Variants in SEPTIN9 observed in about 807,000 individuals in gnomAD.
SEPTIN9 encodes septin-9.
SEPTIN9 carries 13 observed loss-of-function variants against 56.6 expected under a neutral mutation model. The observed-to-expected ratio is 0.23, with a 90% CI of 0.15 to 0.37. The LOEUF (loss-of-function observed/expected upper bound fraction) is 0.37, where lower values mean the gene tolerates loss of function less well. Ranked by LOEUF, SEPTIN9 falls within the 10% of genes least tolerant of loss-of-function variation. The probability of loss-of-function intolerance (pLI) is 1.00; values close to 1 mark genes in which losing one functional copy is unlikely to be tolerated. For missense variants in SEPTIN9, 650 were observed against 823.1 expected, an observed-to-expected ratio of 0.79 and a Z score of 2.57; for synonymous variants, 332 against 334.1, an observed-to-expected ratio of 0.99 and a Z score of 0.07.
intron 3 of SEPTIN9, among the ~76,000 whole-genome samples, chr17:77,477,962 G>T (rs2039292812): frequency 6.6e-6 from 1 of 152,116 alleles, no homozygotes; most frequent in Admixed American, 6.5e-5. Flanking sequence ...CTGGAGGTGC[G>T]ATGGGGATCT....
rs1157494092 is a variant in SEPTIN9, at chr17:77,429,069, C to T, written c.721+26366C>T. ...CCCCCTGCTCCTGGTTGCAGATGTA[C>T]CTGTTCTTGGCTATTTGTGCCCCAG... On this transcript the variant is annotated intron_variant, in intron 3 of 11. Transcript: ENST00000427177. This position sits in a 1 kb window ranked among gnomAD's most constrained non-coding sequence, Gnocchi z 5.2. 1 of 471,630 alleles carries T rather than the reference C, an allele frequency of 2.1e-6. No individual in the cohort carries two copies. Among genetic ancestry groups the T allele is most frequent in the Non-Finnish European group, 4.4e-6 (1 of 227,156 alleles). The allele number at this position is 471,630 out of a possible 1,614,324, so 29.2% of individuals were successfully genotyped here.
At position 77,429,405 on chromosome 17, in the gene SEPTIN9, C is replaced by T. The variant is rs2037043946; in HGVS notation, c.721+26702C>T. 4 of 409,404 alleles carry T rather than the reference C, an allele frequency of 9.8e-6. No homozygotes were observed. The highest frequency in any genetic ancestry group is 2.7e-5 in the Admixed American group (1 of 36,730). The allele number at this position is 409,404 out of a possible 1,614,324, so 25.4% of individuals were successfully genotyped here. On this transcript the variant is annotated intron_variant, in intron 3 of 11. Coordinates refer to ENST00000427177, the MANE Select transcript of SEPTIN9 (RefSeq NM_001113491.2). The surrounding 1 kb of genome is among the most constrained non-coding windows in gnomAD (Gnocchi z 5.2). Reference sequence around the variant, plus strand: ...GGGACATCACCGTCCGCCTGGGCTACAGCGTGCTCGCCGATTGCATTTGGG... The same window carrying T: ...GGGACATCACCGTCCGCCTGGGCTATAGCGTGCTCGCCGATTGCATTTGGG...
chr17:77,497,472 G>A (rs1360622302), intron 11 of SEPTIN9, 106 bp downstream of exon 11: 2 of 1,039,712 alleles, frequency 1.9e-6, no homozygotes, highest in African/African-American at 1.6e-5. Flanking sequence ...CAGAGTGGGT[G>A]CCCCCTGCCA....
At position 77,430,990 on chromosome 17, in the gene SEPTIN9, C is replaced by CA. The variant is rs144630121; in HGVS notation, c.721+28301dup. On this transcript the variant is annotated intron_variant, in intron 3 of 11. Transcript: ENST00000427177. Reference sequence around the variant, plus strand: ...TGGGCAACAGAGCAATACTCCGTATCAAAAAAAAAAAAAAGAAGAAGAACA... The same window carrying CA: ...TGGGCAACAGAGCAATACTCCGTATCAAAAAAAAAAAAAAAGAAGAAGAACA... Among the ~76,000 whole-genome samples the CA allele has an allele frequency of 6.4e-3, 811 of 126,960 alleles. 1 individual carries two copies. The highest frequency in any genetic ancestry group is 0.015 in the African/African-American group (501 of 34,480). The allele number at this position is 126,960 out of a possible 152,430, so 83.3% of individuals were successfully genotyped here.
chr17:77,404,691 T>C (rs887548530), intron 3 of SEPTIN9, among the ~76,000 whole-genome samples: 3 of 152,110 alleles, frequency 2.0e-5, no homozygotes, highest in South Asian at 2.1e-4. Context: ...ACATTTGTCT[T>C]GGCGGGTCTG....
At chr17:77,372,608 G>A (rs1190058138) in intron 2 of SEPTIN9, among the ~76,000 whole-genome samples, 1 of 152,222 alleles carries the variant, frequency 6.6e-6, no homozygotes. Flanking sequence ...GAAGGGAGGC[G>A]TCGCCCGTCC....
chr17:77,384,860 C>CACAA lies in SEPTIN9; in HGVS notation c.77-17196_77-17195insAACA, dbSNP rs1289606891. ...CTGTTTAAACACACACACACACACACACACACACACACACACACACACACA... is the reference window on the plus strand; with the variant it reads ...CTGTTTAAACACACACACACACACACACAAACACACACACACACACACACACACA... On this transcript the variant is annotated intron_variant, in intron 2 of 11. Transcript: ENST00000427177. 3.3e-5 allele frequency among the ~76,000 whole-genome samples: 5 copies of CACAA among 150,778 alleles called. No homozygotes were observed. The East Asian group carries it at 9.9e-4, about 30-fold the overall frequency.
intron 3 of SEPTIN9, among the ~76,000 whole-genome samples, chr17:77,466,054 T>TCTCACA (rs34621956): frequency 7.9e-6 from 1 of 127,386 alleles, no homozygotes; most frequent in African/African-American, 3.0e-5. Flanking sequence ...TTCTGGACTG[T>TCTCACA]CACACACACA....
rs1250197028 is a variant in SEPTIN9, at chr17:77,330,472, C to T, written c.76+23275C>T. Reference sequence around the variant, plus strand: ...TCCTGAGTTTTGGCGCTGCTCTTGGCGATGGCGTGGACTCAGCCAGGCTCT... The same window carrying T: ...TCCTGAGTTTTGGCGCTGCTCTTGGTGATGGCGTGGACTCAGCCAGGCTCT... On this transcript the variant is annotated intron_variant, in intron 2 of 11. Coordinates refer to ENST00000427177, the MANE Select transcript of SEPTIN9 (RefSeq NM_001113491.2). This position sits in a 1 kb window ranked among gnomAD's most constrained non-coding sequence, Gnocchi z 4.4. Among the ~76,000 whole-genome samples the T allele has an allele frequency of 6.6e-6, 1 of 152,194 alleles. No individual in the cohort carries two copies. The highest frequency in any genetic ancestry group is 1.5e-5 in the Non-Finnish European group (1 of 68,036).
At chr17:77,385,433 G>T (rs111996099) in intron 2 of SEPTIN9, among the ~76,000 whole-genome samples, 2 of 151,884 alleles carry the variant, frequency 1.3e-5, no homozygotes, top group African/African-American at 4.8e-5. Context: ...TGACCAGGCT[G>T]GTCTCAAACT....
intron 2 of SEPTIN9, among the ~76,000 whole-genome samples, chr17:77,360,104 C>T (rs2034366289): frequency 6.6e-6 from 1 of 150,462 alleles, no homozygotes; most frequent in Non-Finnish European, 1.5e-5. Context: ...TTGCAGTGAG[C>T]CAAGATCACA....
chr17:77,475,950 G>T lies in SEPTIN9; in HGVS notation c.722-6194G>T, dbSNP rs781084560. On this transcript the variant is annotated intron_variant, in intron 3 of 11. Coordinates refer to ENST00000427177, the MANE Select transcript of SEPTIN9 (RefSeq NM_001113491.2). This position sits in a 1 kb window ranked among gnomAD's most constrained non-coding sequence, Gnocchi z 4.6. ...TCGGTCCGTGCTCTGAGAGCCAGGT[G>T]TGGGTTGGGTTTGGGGAAGACAGGG... 6.4e-7 allele frequency: 1 copy of T among 1,573,406 alleles called. No individual in the cohort carries two copies. Among genetic ancestry groups the T allele is most frequent in the South Asian group, 1.2e-5 (1 of 85,134 alleles).
At chr17:77,282,298 T>TC (rs979290266) in intron 1 of SEPTIN9, among the ~76,000 whole-genome samples, 14 of 151,812 alleles carry the variant, frequency 9.2e-5, no homozygotes, top group African/African-American at 3.4e-4. Context: ...GTCTTTTCCT[T>TC]CCTTTTTTTT....
chr17:77,388,453 G>T (rs1249546094), intron 2 of SEPTIN9, among the ~76,000 whole-genome samples: 1 of 152,202 alleles, frequency 6.6e-6, no homozygotes, highest in Non-Finnish European at 1.5e-5. Flanking sequence ...TCCTCACCCT[G>T]GAGTTCAGCA....
chr17:77,467,508 A>C (rs1440111188), intron 3 of SEPTIN9, among the ~76,000 whole-genome samples: 2 of 88,616 alleles, frequency 2.3e-5, no homozygotes, highest in Non-Finnish European at 4.5e-5. Context: ...CCAGGCCCCA[A>C]GTCCCCACTC....
chr17:77,405,142 T>C lies in SEPTIN9; in HGVS notation c.721+2439T>C, dbSNP rs1254098928. ...CGTGGTCCTGGCTCTGGGGGACAGG[T>C]AGGGGGATGTCCATGGGGATGTACA... On this transcript the variant is annotated intron_variant, in intron 3 of 11. Coordinates refer to ENST00000427177, the MANE Select transcript of SEPTIN9 (RefSeq NM_001113491.2). This position sits in a 1 kb window ranked among gnomAD's most constrained non-coding sequence, Gnocchi z 5.8. 2 of 1,531,918 alleles carry C rather than the reference T, an allele frequency of 1.3e-6. No individual in the cohort carries two copies. The highest frequency in any genetic ancestry group is 1.7e-6 in the Non-Finnish European group (2 of 1,144,032). 94.9% of individuals were successfully genotyped at this position (1,531,918 alleles called of 1,614,324 possible).
intron 1 of SEPTIN9, among the ~76,000 whole-genome samples, chr17:77,296,356 G>T (rs2031811167): frequency 6.6e-6 from 1 of 152,224 alleles, no homozygotes; most frequent in Admixed American, 6.5e-5. Flanking sequence ...TGGATGGATG[G>T]CTAGATAGAC....
intron 10 of SEPTIN9, among the ~76,000 whole-genome samples, chr17:77,495,742 C>T (rs143617438): frequency 2.0e-5 from 3 of 152,280 alleles, no homozygotes; most frequent in South Asian, 2.1e-4. Flanking sequence ...GTGTGGACAC[C>T]GCCCTACACA....
intron 2 of SEPTIN9, among the ~76,000 whole-genome samples, chr17:77,356,859 A>T (rs1182847602): frequency 6.7e-6 from 1 of 149,386 alleles, no homozygotes; most frequent in Non-Finnish European, 1.5e-5. Flanking sequence ...GAAAAGGCTC[A>T]TGCAGGCTGG....
Sources: gnomAD v4.1 joint callset for allele counts (sites outside exome capture counted in the v4.1 genomes callset) on GRCh38, gnomAD v4.1.1 for gene constraint, Gnocchi (gnomAD v3.1) non-coding constraint, MANE v1.5 for transcripts, NCBI Gene and HGNC (gene_info 2026-07-23, HGNC 2026-07-21) for gene names.